The following RYR3 variants were observed in gnomAD, a reference collection of about 807,000 sequenced individuals.
The protein encoded by RYR3 is brain ryanodine receptor-calcium release channel.
RYR3 carries 207 observed loss-of-function variants against 584.3 expected under a neutral mutation model. The observed-to-expected ratio is 0.35, with a 90% confidence interval of 0.32 to 0.40. The LOEUF (loss-of-function observed/expected upper bound fraction) is 0.40, where lower values mean the gene tolerates loss of function less well. RYR3 is among the 10% of genes least tolerant of loss of function. The probability of loss-of-function intolerance (pLI) is 1.00; values close to 1 mark genes in which losing one functional copy is unlikely to be tolerated. For missense variants in RYR3, 5,616 were observed against 6,089.2 expected (o/e 0.92, Z 2.59); for synonymous variants, 2,416 against 2,248.5 (o/e 1.07, Z -2.11).
chr15:33,701,817 G>A (rs965000477), intron 42 of RYR3, among the ~76,000 whole-genome samples: 2 of 152,120 alleles, frequency 1.3e-5, no homozygotes, highest in Non-Finnish European at 1.5e-5. Context: ...CTGATCAGCC[G>A]CATTGTTGGG....
At chr15:33,742,308 C>T (rs1345421896) in intron 51 of RYR3, 58 bp from the exon 52 acceptor site, 4 of 1,074,198 alleles carry the variant, frequency 3.7e-6, no homozygotes, top group Non-Finnish European at 5.8e-6. Flanking sequence ...TGACTATCTT[C>T]TACTATGTCT....
At chr15:33,832,042 C>T (rs1033709406) in intron 86 of RYR3, among the ~76,000 whole-genome samples, 1 of 152,110 alleles carries the variant, frequency 6.6e-6, no homozygotes, top group Non-Finnish European at 1.5e-5. Flanking sequence ...GCCTGTAATC[C>T]TGGCACTTTG....
chr15:33,547,670 A>G (rs1204756442), intron 8 of RYR3, among the ~76,000 whole-genome samples: 1 of 152,242 alleles, frequency 6.6e-6, no homozygotes, highest in African/African-American at 2.4e-5. Flanking sequence ...CTTTGTTCCA[A>G]CTGCCCTGGA....
intron 69 of RYR3, among the ~76,000 whole-genome samples, chr15:33,804,672 G>T (rs2076089122): frequency 6.6e-6 from 1 of 152,168 alleles, no homozygotes; most frequent in Non-Finnish European, 1.5e-5. Flanking sequence ...GGTATTTTTT[G>T]GATGTGGAAC....
At chr15:33,842,390 G>A (rs1014108052) in intron 91 of RYR3, among the ~76,000 whole-genome samples, 2 of 152,194 alleles carry the variant, frequency 1.3e-5, no homozygotes, top group Non-Finnish European at 2.9e-5. Flanking sequence ...TTTTGATCAC[G>A]TGGGAATCAG....
At chr15:33,426,743 G>A (rs2596227) in intron 1 of RYR3, among the ~76,000 whole-genome samples, 109,502 of 152,082 alleles carry the variant, frequency 0.72, 40,507 homozygotes, top group African/African-American at 0.91. Flanking sequence ...TCTGGCTGCT[G>A]TAACAAAATA....
chr15:33,537,882 C>T (rs2055462328), intron 5 of RYR3, among the ~76,000 whole-genome samples: 2 of 152,062 alleles, frequency 1.3e-5, no homozygotes, highest in African/African-American at 4.8e-5. Flanking sequence ...TCAGTTCTTG[C>T]TCTCTGGAAT....
chr15:33,436,783 C>CT (rs2045767195), intron 1 of RYR3, among the ~76,000 whole-genome samples: 1 of 152,142 alleles, frequency 6.6e-6, no homozygotes, highest in Admixed American at 6.5e-5. Flanking sequence ...GTATTACAAG[C>CT]ATGAGCCACT....
chr15:33,722,628 A>C (rs2068026526), intron 43 of RYR3, 87 bp from the exon 44 acceptor site: 1 of 1,327,978 alleles, frequency 7.5e-7, no homozygotes, highest in African/African-American at 1.5e-5. Flanking sequence ...AGCTGAACAA[A>C]ATACTGTTCT....
intron 94 of RYR3, among the ~76,000 whole-genome samples, chr15:33,848,735 C>G (rs986414384): frequency 4.0e-5 from 6 of 151,750 alleles, no homozygotes; most frequent in Admixed American, 6.6e-5. Context: ...GCTTAAGTGG[C>G]CAAGGCGTCT....
chr15:33,808,340 T>C (rs1290382769), intron 70 of RYR3, among the ~76,000 whole-genome samples: 2 of 152,170 alleles, frequency 1.3e-5, no homozygotes, highest in African/African-American at 4.8e-5. Context: ...TTTGGGAGGA[T>C]CATAAATGTT....
At chr15:33,648,604 A>T (rs750769912) in intron 30 of RYR3, among the ~76,000 whole-genome samples, 1 of 152,224 alleles carries the variant, frequency 6.6e-6, no homozygotes, top group African/African-American at 2.4e-5. Flanking sequence ...AAAAAGCACT[A>T]GACTTCCCTT....
intron 67 of RYR3, among the ~76,000 whole-genome samples, chr15:33,794,305 A>ATT (rs1567185370): frequency 0.15 from 15,145 of 98,876 alleles, 2,990 homozygotes; most frequent in East Asian, 0.31. Context: ...TTATATATAT[A>ATT]TTTTTATATA....
At chr15:33,595,718 T>G (rs1253394790) in intron 16 of RYR3, among the ~76,000 whole-genome samples, 1 of 152,190 alleles carries the variant, frequency 6.6e-6, no homozygotes, top group Non-Finnish European at 1.5e-5. Flanking sequence ...GGACTTGGTG[T>G]CCTTTTTAGA....
chr15:33,531,364 A>T (rs2054851452), intron 4 of RYR3, among the ~76,000 whole-genome samples: 1 of 152,028 alleles, frequency 6.6e-6, no homozygotes, highest in Admixed American at 6.5e-5. Context: ...TTTAAAAGGC[A>T]GATATTGTAG....
At chr15:33,364,048 G>T (rs1027167295) in intron 1 of RYR3, among the ~76,000 whole-genome samples, 2 of 152,170 alleles carry the variant, frequency 1.3e-5, no homozygotes, top group African/African-American at 4.8e-5. Context: ...TGTGCAGTGA[G>T]TGTGAAAGAT....
chr15:33,712,775 G>A (rs2067216001), intron 43 of RYR3, among the ~76,000 whole-genome samples: 1 of 152,136 alleles, frequency 6.6e-6, no homozygotes. Context: ...GAGTAACTTG[G>A]GTTCAAATTT....
chr15:33,409,840 G>T (rs539048130), intron 1 of RYR3, among the ~76,000 whole-genome samples: 16 of 152,234 alleles, frequency 1.1e-4, no homozygotes, highest in Non-Finnish European at 1.6e-4. Context: ...AAAGGCACAA[G>T]GTTGTCTAAG....
At position 33,540,767 on chromosome 15, in the gene RYR3, G is replaced by A. The variant is rs147400326; in HGVS notation, c.547-24G>A. 26 of 1,459,156 alleles carry A rather than the reference G, an allele frequency of 1.8e-5. No homozygotes were observed. The East Asian group carries it at 5.9e-4, about 33-fold the overall frequency. The allele number at this position is 1,459,156 out of a possible 1,614,324, so 90.4% of individuals were successfully genotyped here. On this transcript the variant is annotated intron_variant, in intron 6 of 103. Transcript: ENST00000634891. ...GCACTGGACTGGTGATTTAAAAGATGTCTCATTTCTGTTTCTGCTGCAGCA... is the reference window on the plus strand; with the variant it reads ...GCACTGGACTGGTGATTTAAAAGATATCTCATTTCTGTTTCTGCTGCAGCA...
Sources: allele counts gnomAD v4.1 joint callset (sites outside exome capture counted in the v4.1 genomes callset), GRCh38; gene constraint gnomAD v4.1.1; transcripts MANE v1.5; gene names NCBI Gene and HGNC (gene_info 2026-07-23, HGNC 2026-07-21).